ZNF75A: variants seen among roughly 807,000 people sequenced by gnomAD.
ZNF75A encodes zinc finger protein 75A.
ZNF75A carries 36 observed loss-of-function variants against 46.3 expected under a neutral mutation model. That is an observed-to-expected ratio of 0.78 (90% CI 0.60 to 1.03). ZNF75A has a LOEUF of 1.03. Ranked by LOEUF, ZNF75A falls within the 50% of genes least tolerant of loss-of-function variation. The pLI is 0.00. For missense variants in ZNF75A, 595 were observed against 551.3 expected, an observed-to-expected ratio of 1.08 and a Z score of -0.79; for synonymous variants, 234 against 189.9, an observed-to-expected ratio of 1.23 and a Z score of -1.91.
Position 3,311,913 on chromosome 16 carries a change from A to C in ZNF75A, c.569A>C (p.Asn190Thr). The change falls in exon 3 of 7, where the codon AAT becomes ACT. Residue 190 changes from asparagine to threonine, a missense_variant. Physicochemically the swap from Asn to Thr is moderately conservative, Grantham distance 65. Coordinates refer to ENST00000669516, the MANE Select transcript of ZNF75A (RefSeq NM_001302109.2). Reference sequence around the variant, plus strand: ...GGTCTGCAAGAACAGCTCAGCAGGAATACTCATAAAGAGACTGAGCCTGTG... The same window carrying C: ...GGTCTGCAAGAACAGCTCAGCAGGACTACTCATAAAGAGACTGAGCCTGTG... ...YEGLQEQLSRNTHKETEPVYE... is the reference protein window; with the variant it reads ...YEGLQEQLSRTTHKETEPVYE... The C allele has an allele frequency of 2.0e-6, 2 of 988,966 alleles. No homozygotes were observed. The highest frequency in any genetic ancestry group is 2.4e-6 in the Non-Finnish European group (2 of 831,252). The allele number at this position is 988,966 out of a possible 1,614,324, so 61.3% of individuals were successfully genotyped here.
At position 3,316,897 on chromosome 16, in the gene ZNF75A, T is replaced by G. The variant is rs756878106; in HGVS notation, c.824-15T>G. On this transcript the variant is annotated splice_polypyrimidine_tract_variant and intron_variant, in intron 5 of 6. Coordinates refer to ENST00000669516, the MANE Select transcript of ZNF75A (RefSeq NM_001302109.2). Reference sequence around the variant, plus strand: ...TAAGTTACCAGTCCTTGACCTCATTTTGTCCATTTGACAGCATTGTTTGTG... The same window carrying G: ...TAAGTTACCAGTCCTTGACCTCATTGTGTCCATTTGACAGCATTGTTTGTG... The G allele has an allele frequency of 1.9e-6, 3 of 1,588,618 alleles. 1 individual carries two copies. In the South Asian group the frequency reaches 3.4e-5, roughly 18 times the overall value.
chr16:3,310,825 GC>G, intron 2 of ZNF75A: 1 of 985,444 alleles, frequency 1.0e-6, no homozygotes, highest in Non-Finnish European at 1.2e-6. Flanking sequence ...TTGTTCCTTG[GC>G]TCTGCTGACA....
At chr16:3,309,479 A>AC (rs1960561106) in intron 2 of ZNF75A, 1 of 141,544 alleles carries the variant, frequency 7.1e-6, no homozygotes, top group African/African-American at 3.1e-5. Context: ...AAAAAACAAA[A>AC]AAAAAACGGG....
At chr16:3,319,629 G>C (rs1961449294), downstream of ZNF75A, among the ~76,000 whole-genome samples, 1 of 152,140 alleles carries the variant, frequency 6.6e-6, no homozygotes, top group Non-Finnish European at 1.5e-5. Flanking sequence ...CACAGGAGTG[G>C]CCAAGAGACA....
intron 2 of ZNF75A, among the ~76,000 whole-genome samples, chr16:3,309,750 T>C (rs1308765838): frequency 6.8e-5 from 7 of 103,218 alleles, no homozygotes; most frequent in Non-Finnish European, 1.4e-4. Flanking sequence ...TGAGAACCTG[T>C]CAAAAAAAAA....
At chr16:3,315,305 C>T (rs998233670) in intron 5 of ZNF75A, among the ~76,000 whole-genome samples, 6 of 151,482 alleles carry the variant, frequency 4.0e-5, no homozygotes, top group East Asian at 1.9e-4. Context: ...CATTCTCCTG[C>T]GTCAGCCTCC....
rs779957247 is a variant in ZNF75A, at chr16:3,313,078, G to T, written c.726G>T (p.Met242Ile). ...QSLLTFEEVA[M>I]YFSQEEWELL... ...TGTTGACATTTGAAGAAGTGGCCAT[G>T]TATTTTTCCCAGGAAGAATGGGAGT... Residue 242 changes from methionine to isoleucine, a missense_variant, in exon 5 of 7, where the codon ATG becomes ATT. Transcript: ENST00000669516. The T allele has an allele frequency of 4.3e-6, 7 of 1,613,902 alleles. No individual in the cohort carries two copies. Among genetic ancestry groups the T allele is most frequent in the Non-Finnish European group, 5.9e-6 (7 of 1,179,858 alleles).
At chr16:3,313,561 A>C (rs771632367) in intron 5 of ZNF75A, among the ~76,000 whole-genome samples, 1 of 152,214 alleles carries the variant, frequency 6.6e-6, no homozygotes, top group African/African-American at 2.4e-5. Context: ...TTACTTTGAC[A>C]TATCCTGACT....
chr16:3,310,245 C>G (rs938763356), intron 2 of ZNF75A, among the ~76,000 whole-genome samples: 24 of 152,126 alleles, frequency 1.6e-4, no homozygotes, highest in African/African-American at 5.3e-4. Flanking sequence ...AATACATAAA[C>G]TAGCTGAGCA....
chr16:3,314,489 G>T (rs1486534944), intron 5 of ZNF75A, among the ~76,000 whole-genome samples: 1 of 152,172 alleles, frequency 6.6e-6, no homozygotes, highest in East Asian at 1.9e-4. Flanking sequence ...CCCAGCATGT[G>T]CCCTGAGGCA....
At chr16:3,310,162 G>A (rs1960640575) in intron 2 of ZNF75A, among the ~76,000 whole-genome samples, 2 of 152,092 alleles carry the variant, frequency 1.3e-5, no homozygotes, top group African/African-American at 4.8e-5. Flanking sequence ...TTGGGAGGCT[G>A]AGGCGGGCGG....
rs370943522 is a variant in ZNF75A, at chr16:3,317,832, G to T, written c.1577G>T (p.Arg526Leu). ...ATATGCAGGAGAAACTTCAGCAGGC[G>T]GTCAAGCCTTCTTAGACACCAGAAA... ...CSICRRNFSR[R>L]SSLLRHQKLH... The change falls in exon 7 of 7, where the codon CGG becomes CTG. Residue 526 changes from arginine to leucine, a missense_variant. Coordinates refer to ENST00000669516, the MANE Select transcript of ZNF75A (RefSeq NM_001302109.2). 1.7e-5 allele frequency: 28 copies of T among 1,612,856 alleles called. No homozygotes were observed. In the East Asian group the frequency reaches 5.8e-4, roughly 33 times the overall value.
intron 1 of ZNF75A, 116 bp downstream of exon 1, chr16:3,305,759 G>T (rs897642581): frequency 2.6e-5 from 4 of 152,272 alleles, no homozygotes; most frequent in African/African-American, 9.6e-5. Flanking sequence ...CGGGCCGCGC[G>T]GCTGGAGCCT....
downstream of ZNF75A, among the ~76,000 whole-genome samples, chr16:3,319,726 T>G (rs747379212): frequency 5.7e-4 from 87 of 152,202 alleles, no homozygotes; most frequent in Admixed American, 1.1e-3. Flanking sequence ...AAGACGGGTA[T>G]GAGATAGTTT....
At position 3,312,869 on chromosome 16, in the gene ZNF75A, C is replaced by G. The variant is rs117210117; in HGVS notation, c.696+101C>G. ...GAGGTGTGTTAGTCCCGGGTGTTCT[C>G]TGGGCAACTGGGTACCTCCCAGGCT... On this transcript the variant is annotated intron_variant, in intron 4 of 6. Coordinates refer to ENST00000669516, the MANE Select transcript of ZNF75A (RefSeq NM_001302109.2). The G allele has an allele frequency of 6.2e-5, 71 of 1,151,244 alleles. No homozygotes were observed. The African/African-American group carries it at 1.1e-3, about 17-fold the overall frequency. The allele number at this position is 1,151,244 out of a possible 1,614,324, so 71.3% of individuals were successfully genotyped here. A position where few individuals can be genotyped will look rare whatever the true frequency, so the allele number is the denominator to read the frequency against.
Position 3,318,434 on chromosome 16 carries a change from G to A in ZNF75A, c.*565G>A, listed in dbSNP as rs1961389794. On this transcript the variant is annotated 3_prime_UTR_variant, in exon 7 of 7. Transcript: ENST00000669516. Reference sequence around the variant, plus strand: ...TCTCCAGATGAACTATTAATGCACTGTCTTATGCCTCTCATTGGTGATGTT... The same window carrying A: ...TCTCCAGATGAACTATTAATGCACTATCTTATGCCTCTCATTGGTGATGTT... The A allele has an allele frequency of 2.0e-6, 2 of 985,444 alleles. No individual in the cohort carries two copies. Among genetic ancestry groups the A allele is most frequent in the South Asian group, 9.4e-5 (2 of 21,292 alleles). The allele number at this position is 985,444 out of a possible 1,614,324, so 61.0% of individuals were successfully genotyped here.
chr16:3,309,872 C>T (rs367633493), intron 2 of ZNF75A, among the ~76,000 whole-genome samples: 7 of 150,572 alleles, frequency 4.6e-5, no homozygotes, highest in Admixed American at 1.3e-4. Context: ...TTTAGGGGGT[C>T]GCGGTGGGAG....
intron 6 of ZNF75A, 78 bp downstream of exon 6, chr16:3,317,100 CCT>C: frequency 1.3e-6 from 2 of 1,530,672 alleles, no homozygotes; most frequent in Admixed American, 2.1e-5. Flanking sequence ...AGATTTTGTT[CCT>C]TTTTTTTTTA....
In ZNF75A at chr16:3,318,089, C is replaced by G; in HGVS notation, c.*220C>G. On this transcript the variant is annotated 3_prime_UTR_variant, in exon 7 of 7. Coordinates refer to ENST00000669516, the MANE Select transcript of ZNF75A (RefSeq NM_001302109.2). ...ATTGTTGGCTTTGTATTGATCTCTCCAGTCATTTTTGAACACATCCAATAG... is the reference window on the plus strand; with the variant it reads ...ATTGTTGGCTTTGTATTGATCTCTCGAGTCATTTTTGAACACATCCAATAG... The G allele has an allele frequency of 7.6e-7, 1 of 1,314,722 alleles. No homozygotes were observed. Among genetic ancestry groups the G allele is most frequent in the South Asian group, 2.3e-5 (1 of 43,318 alleles). The allele number at this position is 1,314,722 out of a possible 1,614,324, so 81.4% of individuals were successfully genotyped here.
Sources: gnomAD v4.1 joint callset for allele counts (sites outside exome capture counted in the v4.1 genomes callset) on GRCh38, gnomAD v4.1.1 for gene constraint, MANE v1.5 for transcripts, NCBI Gene and HGNC (gene_info 2026-07-23, HGNC 2026-07-21) for gene names.